Variants in SEMA3F observed in about 807,000 individuals in gnomAD.
The protein encoded by SEMA3F is semaphorin-3F.
SEMA3F carries 30 observed loss-of-function variants against 98.5 expected under a neutral mutation model. The observed-to-expected ratio is 0.30, with a 90% confidence interval of 0.23 to 0.41. The LOEUF is 0.41. SEMA3F is among the 10% of genes least tolerant of loss of function. The pLI is 1.00. For synonymous variants in SEMA3F, 380 were observed against 444.8 expected, an observed-to-expected ratio of 0.85 and a Z score of 1.83; for missense variants, 866 against 1,119.3, an observed-to-expected ratio of 0.77 and a Z score of 3.23.
At chr3:50,155,297 G>T, upstream of SEMA3F, 1 of 315,334 alleles carries the variant, frequency 3.2e-6, no homozygotes, top group Non-Finnish European at 5.7e-6. The surrounding 1 kb of genome is among the most constrained non-coding windows in gnomAD (Gnocchi z 4.9). Context: ...GGGGGCGCCC[G>T]CAGCCCACCC....
chr3:50,187,422 CAAAAAAAA>C lies in SEMA3F; in HGVS notation c.1948-266_1948-259del, dbSNP rs901489365. Among the ~76,000 whole-genome samples, 447 of 58,928 alleles carry C rather than the reference CAAAAAAAA, an allele frequency of 7.6e-3. 1 individual carries two copies. The highest frequency in any genetic ancestry group is 0.023 in the African/African-American group (425 of 18,790). 38.7% of individuals were successfully genotyped at this position (58,928 alleles called of 152,430 possible). A position where few individuals can be genotyped will look rare whatever the true frequency, so the allele number is the denominator to read the frequency against. ...TAGGCGACAGAGCCAGACCTTGTCT[CAAAAAAAA>C]AAAAAAAAAAAAAAAAGGAATTCTG... On this transcript the variant is annotated intron_variant, in intron 18 of 18. Transcript: ENST00000002829.
chr3:50,182,773 G>T lies in SEMA3F; in HGVS notation c.893G>T (p.Arg298Leu). 1 of 1,612,678 alleles carries T rather than the reference G, an allele frequency of 6.2e-7. No homozygotes were observed. Among genetic ancestry groups the T allele is most frequent in the Non-Finnish European group, 8.5e-7 (1 of 1,179,872 alleles). Residue 298 changes from arginine to leucine, a missense_variant, in exon 9 of 19, where the codon CGC (arginine) becomes CTC (leucine). Coordinates refer to ENST00000002829, the MANE Select transcript of SEMA3F (RefSeq NM_004186.5). The surrounding 1 kb of genome is among the most constrained non-coding windows in gnomAD (Gnocchi z 4.5). ...QSPAVYARIG[R>L]ICLNDDGGHC... The stretch of plus-strand genomic sequence containing the variant: ...CCCGCGGTGTACGCCCGCATCGGGC[G>T]CATTTGCCTGGTATGCATTGGCAGA...
intron 14 of SEMA3F, 25 bp downstream of exon 14, chr3:50,185,556 G>A: frequency 1.2e-6 from 2 of 1,612,740 alleles, no homozygotes; most frequent in Non-Finnish European, 1.7e-6. Context: ...ACCCAGTCCT[G>A]ACCTCCCCAC....
rs1290366839 is a variant in SEMA3F at position 50,182,056 on chromosome 3, G to A, written c.644-228G>A. On this transcript the variant is annotated intron_variant, in intron 7 of 18. Coordinates refer to ENST00000002829, the MANE Select transcript of SEMA3F (RefSeq NM_004186.5). This position sits in a 1 kb window ranked among gnomAD's most constrained non-coding sequence, Gnocchi z 4.5. ...TAGCTTGAAATTAGTTGTGGCAGGA[G>A]TATTCACACCACAGAAATGGGCTAT... 6.6e-6 allele frequency among the ~76,000 whole-genome samples: 1 copy of A among 152,232 alleles called. No homozygotes were observed. The highest frequency in any genetic ancestry group is 1.5e-5 in the Non-Finnish European group (1 of 68,050).
At chr3:50,178,721 CAA>C (rs535984701) in intron 7 of SEMA3F, among the ~76,000 whole-genome samples, 2 of 101,394 alleles carry the variant, frequency 2.0e-5, no homozygotes, top group African/African-American at 3.6e-5. Context: ...GACTCTGGCT[CAA>C]AAAAAAAAAA....
chr3:50,157,105 A>T (rs956503704), intron 1 of SEMA3F, among the ~76,000 whole-genome samples: 1 of 151,162 alleles, frequency 6.6e-6, no homozygotes, highest in Non-Finnish European at 1.5e-5. Context: ...CCTTCCATCC[A>T]GGCAGTCCTC....
chr3:50,187,422 CAAAAAAAAAAAA>C (rs901489365), intron 18 of SEMA3F, among the ~76,000 whole-genome samples: 11 of 58,936 alleles, frequency 1.9e-4, no homozygotes, highest in Admixed American at 1.6e-4. Flanking sequence ...GACCTTGTCT[CAAAAAAAAAAAA>C]AAAAAAAAAA....
rs1363082346 is a variant in SEMA3F at position 50,182,367 on chromosome 3, A to T, written c.727A>T (p.Met243Leu). Residue 243 changes from methionine to leucine, a missense_variant, in exon 8 of 19, where the codon ATG (methionine) becomes TTG (leucine). Around this residue, in one of 3 missense-constraint regions of SEMA3F, gnomAD observed 374 missense variants for 582.8 expected, o/e 0.64. Transcript: ENST00000002829. The surrounding 1 kb of genome is among the most constrained non-coding windows in gnomAD (Gnocchi z 4.5). ...IFRTLGKQTA[M>L]RTDQYNSRWL... is the part of the protein sequence containing the mutation. The stretch of plus-strand genomic sequence containing the variant: ...CCGCACACTTGGAAAGCAGACAGCC[A>T]TGCGCACGGATCAGTACAACTCCCG... 6.2e-7 allele frequency: 1 copy of T among 1,614,050 alleles called. No individual in the cohort carries two copies. Among genetic ancestry groups the T allele is most frequent in the South Asian group, 1.1e-5 (1 of 91,084 alleles).
Position 50,184,800 on chromosome 3 carries a change from T to A in SEMA3F, c.1442T>A (p.Leu481His). The A allele has an allele frequency of 1.9e-6, 3 of 1,613,424 alleles. No individual in the cohort carries two copies. The highest frequency in any genetic ancestry group is 2.5e-6 in the Non-Finnish European group (3 of 1,179,648). The change falls in exon 13 of 19, where the codon CTT (leucine) becomes CAT (histidine). Residue 481 changes from leucine to histidine, a missense_variant. Transcript: ENST00000002829. The stretch of plus-strand genomic sequence containing the variant: ...GCAGCCGACGGGCGCTATGAGGTGC[T>A]TTTCCTGGGCACAGGTACCCACTGC... ...VDAADGRYEV[L>H]FLGTDRGTVQ...
chr3:50,168,725 CG>C (rs1698497981), intron 2 of SEMA3F, among the ~76,000 whole-genome samples: 1 of 152,136 alleles, frequency 6.6e-6, no homozygotes, highest in African/African-American at 2.4e-5. Flanking sequence ...ATAAAAGGGC[CG>C]GGGCCACCCC....
chr3:50,184,562 C>T, intron 12 of SEMA3F, 30 bp from the exon 13 acceptor site: 1 of 1,580,820 alleles, frequency 6.3e-7, no homozygotes, highest in South Asian at 1.1e-5. Context: ...CCCAGGCAGC[C>T]TGGGACTGAC....
intron 5 of SEMA3F, 99 bp downstream of exon 5, chr3:50,174,449 C>T (rs1432002932): frequency 7.6e-6 from 11 of 1,440,948 alleles, no homozygotes; most frequent in South Asian, 2.7e-5. Flanking sequence ...CTGCCACTTC[C>T]GAGCCTTTTG....
intron 7 of SEMA3F, among the ~76,000 whole-genome samples, chr3:50,180,404 C>T (rs1191260325): frequency 6.6e-6 from 1 of 152,188 alleles, no homozygotes; most frequent in Non-Finnish European, 1.5e-5. Flanking sequence ...TGATCCCCTG[C>T]CTCAGCCTCC....
At chr3:50,181,165 GACA>G (rs1699001977) in intron 7 of SEMA3F, among the ~76,000 whole-genome samples, 1 of 152,008 alleles carries the variant, frequency 6.6e-6, no homozygotes, top group Non-Finnish European at 1.5e-5. Context: ...AGACTTGCTT[GACA>G]CAGGGTTGCC....
intron 12 of SEMA3F, among the ~76,000 whole-genome samples, chr3:50,184,071 G>T (rs1379793844): frequency 6.6e-6 from 1 of 152,176 alleles, no homozygotes; most frequent in African/African-American, 2.4e-5. Context: ...GGAGAAGCTG[G>T]TCTCAGTGGG....
intron 2 of SEMA3F, among the ~76,000 whole-genome samples, chr3:50,161,279 T>G (rs1358549709): frequency 6.6e-6 from 1 of 152,178 alleles, no homozygotes; most frequent in Non-Finnish European, 1.5e-5. Context: ...GTGCTCCTTC[T>G]AAGCCTCCCT....
intron 13 of SEMA3F, 65 bp downstream of exon 13, chr3:50,184,879 G>A (rs1699152362): frequency 7.9e-7 from 1 of 1,271,378 alleles, no homozygotes; most frequent in Admixed American, 1.9e-5. Context: ...CAGATCCTTG[G>A]GGCTGGGGCT....
At chr3:50,162,770 G>A (rs902218588) in intron 2 of SEMA3F, among the ~76,000 whole-genome samples, 1 of 152,204 alleles carries the variant, frequency 6.6e-6, no homozygotes, top group Non-Finnish European at 1.5e-5. Flanking sequence ...CCAGGGATTG[G>A]GGCCAAGAGA....
In SEMA3F at chr3:50,182,148, A is replaced by G. The variant is rs1699036407; in HGVS notation, c.644-136A>G. 1 of 1,059,090 alleles carries G rather than the reference A, an allele frequency of 9.4e-7. No homozygotes were observed. Among genetic ancestry groups the G allele is most frequent in the East Asian group, 2.5e-5 (1 of 39,730 alleles). 65.6% of individuals were successfully genotyped at this position (1,059,090 alleles called of 1,614,324 possible). A position where few individuals can be genotyped will look rare whatever the true frequency, so the allele number is the denominator to read the frequency against. On this transcript the variant is annotated intron_variant, in intron 7 of 18. Coordinates refer to ENST00000002829, the MANE Select transcript of SEMA3F (RefSeq NM_004186.5). This position sits in a 1 kb window ranked among gnomAD's most constrained non-coding sequence, Gnocchi z 4.5. ...CAGAGCCAGTGGTGAAACACTGACC[A>G]GCACTCCACTGGAGATAGGATCATG...
Sources: gnomAD v4.1 joint callset for allele counts (sites outside exome capture counted in the v4.1 genomes callset) on GRCh38, gnomAD v4.1.1 for gene constraint, gnomAD v4.1.1 regional missense constraint, Gnocchi (gnomAD v3.1) non-coding constraint, MANE v1.5 for transcripts, NCBI Gene and HGNC (gene_info 2026-07-23, HGNC 2026-07-21) for gene names.